The following F13A1 variants were observed in gnomAD, a reference collection of about 807,000 sequenced individuals.
F13A1 encodes FSF, A subunit.
In F13A1, 47 loss-of-function variants were observed where a neutral mutation model predicts 80.1. That is an observed-to-expected ratio of 0.59 (90% CI 0.46 to 0.75). The LOEUF is 0.75. F13A1 is among the 30% of genes least tolerant of loss of function. The pLI is 0.00. For synonymous variants in F13A1, 349 were observed against 344.9 expected, an observed-to-expected ratio of 1.01 and a Z score of -0.13; for missense variants, 817 against 930.4, an observed-to-expected ratio of 0.88 and a Z score of 1.59.
intron 3 of F13A1, among the ~76,000 whole-genome samples, chr6:6,277,578 GACTAACTA>G (rs888153811): frequency 6.6e-6 from 1 of 152,202 alleles, no homozygotes; most frequent in East Asian, 1.9e-4. Context: ...ACCAGATGCT[GACTAACTA>G]ACTCACATTC....
intron 8 of F13A1, among the ~76,000 whole-genome samples, chr6:6,218,369 G>A (rs1366830211): frequency 6.6e-6 from 1 of 152,122 alleles, no homozygotes; most frequent in Non-Finnish European, 1.5e-5. Context: ...TTGCTGTTTG[G>A]ACTGCAGCTA....
At chr6:6,312,960 T>C (rs768847664) in intron 2 of F13A1, among the ~76,000 whole-genome samples, 1 of 152,080 alleles carries the variant, frequency 6.6e-6, no homozygotes, top group Non-Finnish European at 1.5e-5. Flanking sequence ...GTCAACCAAG[T>C]ATTTGGTTCT....
chr6:6,160,859 T>C (rs1760561283), intron 13 of F13A1, among the ~76,000 whole-genome samples: 1 of 152,168 alleles, frequency 6.6e-6, no homozygotes, highest in African/African-American at 2.4e-5. Flanking sequence ...AAAAGCTTTT[T>C]TTTTTTTTGA....
At chr6:6,196,221 T>C (rs1207957234) in intron 9 of F13A1, among the ~76,000 whole-genome samples, 1 of 152,258 alleles carries the variant, frequency 6.6e-6, no homozygotes, top group Non-Finnish European at 1.5e-5. Flanking sequence ...GAAATGTTGA[T>C]GTGTGCTCTG....
chr6:6,273,120 T>A (rs537928552), intron 3 of F13A1, among the ~76,000 whole-genome samples: 1 of 152,296 alleles, frequency 6.6e-6, no homozygotes, highest in African/African-American at 2.4e-5. Context: ...TCTCTTGGGG[T>A]CTGCATCGAG....
chr6:6,180,271 C>T (rs575780394), intron 11 of F13A1, among the ~76,000 whole-genome samples: 19 of 152,342 alleles, frequency 1.2e-4, no homozygotes, highest in African/African-American at 4.3e-4. Flanking sequence ...CGAGGTCTTC[C>T]CCAACTGCCG....
intron 4 of F13A1, among the ~76,000 whole-genome samples, chr6:6,259,159 G>A (rs960701581): frequency 5.3e-5 from 8 of 152,162 alleles, no homozygotes; most frequent in African/African-American, 1.4e-4. Context: ...CATGGGATGC[G>A]ACATACTATC....
chr6:6,156,221 T>C (rs1228329636), intron 13 of F13A1, among the ~76,000 whole-genome samples: 1 of 152,256 alleles, frequency 6.6e-6, no homozygotes, highest in Non-Finnish European at 1.5e-5. Context: ...CTTACTGATA[T>C]TGACATTCCT....
chr6:6,254,855 C>A (rs79354062), intron 4 of F13A1, among the ~76,000 whole-genome samples: 42,658 of 151,718 alleles, frequency 0.28, 6,452 homozygotes, highest in East Asian at 0.53. Context: ...TCTTTTTATG[C>A]TTTTATTATT....
intron 8 of F13A1, among the ~76,000 whole-genome samples, chr6:6,205,591 T>G (rs1218064781): frequency 6.6e-6 from 1 of 152,220 alleles, no homozygotes; most frequent in Admixed American, 6.5e-5. Flanking sequence ...TTCTTGGATA[T>G]TTATCAAGAG....
At chr6:6,164,525 G>GGAAA (rs1760630801) in intron 13 of F13A1, among the ~76,000 whole-genome samples, 1 of 150,286 alleles carries the variant, frequency 6.7e-6, no homozygotes, top group African/African-American at 2.5e-5. Context: ...AAGGAAGGAA[G>GGAAA]GAGAAAAAAT....
intron 14 of F13A1, among the ~76,000 whole-genome samples, chr6:6,148,664 G>A (rs762594491): frequency 6.6e-6 from 1 of 152,168 alleles, no homozygotes; most frequent in African/African-American, 2.4e-5. Flanking sequence ...ACTGGCTCAG[G>A]TCTTGGTTGT....
chr6:6,299,519 C>A (rs1171573961), intron 3 of F13A1, among the ~76,000 whole-genome samples: 1 of 132,384 alleles, frequency 7.6e-6, no homozygotes, highest in Non-Finnish European at 1.5e-5. Context: ...TCGCTGATAC[C>A]CTTTCTTCCA....
intron 8 of F13A1, among the ~76,000 whole-genome samples, chr6:6,207,891 AAAC>A (rs540626756): frequency 3.6e-4 from 55 of 152,360 alleles, no homozygotes; most frequent in South Asian, 8.3e-4. Context: ...GCAGCAGCAA[AAAC>A]AACAACAACA....
chr6:6,185,289 C>A (rs149805422), intron 10 of F13A1, among the ~76,000 whole-genome samples: 8 of 121,152 alleles, frequency 6.6e-5, no homozygotes, highest in Non-Finnish European at 1.0e-4. Context: ...CCTCCCCCCA[C>A]CCCACAACAG....
chr6:6,311,650 A>ATATTGTTTATATAT (rs1758599255), intron 2 of F13A1, among the ~76,000 whole-genome samples: 1 of 147,610 alleles, frequency 6.8e-6, no homozygotes, highest in African/African-American at 2.5e-5. Flanking sequence ...TTTATATATT[A>ATATTGTTTATATAT]TATATTGTTC....
chr6:6,183,964 C>T (rs991968148), intron 10 of F13A1, among the ~76,000 whole-genome samples: 2 of 152,122 alleles, frequency 1.3e-5, no homozygotes, highest in Admixed American at 1.3e-4. Context: ...ATATAATAGT[C>T]ATCATTAGGT....
intron 6 of F13A1, among the ~76,000 whole-genome samples, chr6:6,246,207 G>A (rs907513142): frequency 2.6e-5 from 4 of 152,174 alleles, no homozygotes; most frequent in Admixed American, 2.0e-4. Context: ...TCCAGGATTT[G>A]TGAACGGGAG....
chr6:6,219,250 C>T lies in F13A1; in HGVS notation c.1112+2783G>A, dbSNP rs537151987. 6.2e-4 allele frequency among the ~76,000 whole-genome samples: 95 copies of T among 152,188 alleles called. No individual in the cohort carries two copies. The South Asian group carries it at 0.019, about 31-fold the overall frequency. ...CCATGTGTCGCCAGTCTACACCGCA[C>T]TGACCTCACAGAGGTCAGCTGATGC... On this transcript the variant is annotated intron_variant, in intron 8 of 14. Coordinates refer to ENST00000264870, the MANE Select transcript of F13A1 (RefSeq NM_000129.4).
Sources: allele counts gnomAD v4.1 joint callset (sites outside exome capture counted in the v4.1 genomes callset), GRCh38; gene constraint gnomAD v4.1.1; transcripts MANE v1.5; gene names NCBI Gene and HGNC (gene_info 2026-07-23, HGNC 2026-07-21).